CAMTA1: variants seen among roughly 807,000 people sequenced by gnomAD.
CAMTA1 encodes calmodulin-binding transcription activator 1.
Under a neutral mutation model 170.9 loss-of-function variants are expected in CAMTA1, and 27 were observed. That is an observed-to-expected ratio of 0.16 (90% confidence interval 0.12 to 0.22). The LOEUF (loss-of-function observed/expected upper bound fraction) is 0.22, where lower values mean the gene tolerates loss of function less well. Among genes scored for constraint, CAMTA1 ranks in the 10% least tolerant of loss-of-function variants. The pLI is 1.00. For synonymous variants in CAMTA1, 833 were observed against 891.5 expected, an observed-to-expected ratio of 0.93 and a Z score of 1.17; for missense variants, 1,619 against 2,217.2, an observed-to-expected ratio of 0.73 and a Z score of 5.42.
chr1:7,766,043 A>AC (rs1444413906), intron 22 of CAMTA1, among the ~76,000 whole-genome samples: 1 of 126,326 alleles, frequency 7.9e-6, no homozygotes, highest in Non-Finnish European at 1.7e-5. Context: ...AAAAAAAAAA[A>AC]AACTAAATAA....
intron 4 of CAMTA1, among the ~76,000 whole-genome samples, chr1:7,155,337 G>T (rs56040581): frequency 0.046 from 7,028 of 151,648 alleles, 228 homozygotes; most frequent in Admixed American, 0.058. Flanking sequence ...CTGTCTCGGA[G>T]GGAGCCTGTG....
rs374375063 is a variant in CAMTA1 at position 7,664,836 on chromosome 1, C to A, written c.2289C>A (p.Asp763Glu). The A allele has an allele frequency of 1.4e-5, 23 of 1,613,416 alleles. No individual in the cohort carries two copies. Among genetic ancestry groups the A allele is most frequent in the African/African-American group, 2.7e-5 (2 of 74,936 alleles). The change falls in exon 9 of 23, where the codon GAC (aspartate) becomes GAA (glutamate). Residue 763 changes from aspartate (D) to glutamate (E), a missense_variant. This residue lies in a region of CAMTA1 where 731 missense variants were observed against 907.6 expected (regional missense o/e 0.81). Transcript: ENST00000303635. ...CCTCCAACATGGAGCTCAGCCTGGA[C>A]CACTTTGACATCTCCTTCAGCAACC... ...GNASNMELSL[D>E]HFDISFSNQF... is the part of the protein sequence containing the mutation.
chr1:7,054,143 C>T (rs1162227889), intron 3 of CAMTA1, among the ~76,000 whole-genome samples: 2 of 152,328 alleles, frequency 1.3e-5, no homozygotes, highest in East Asian at 3.9e-4. Flanking sequence ...CTGGGCCTGC[C>T]CACTTGATTT....
chr1:7,760,945 A>G (rs941820500), intron 22 of CAMTA1, among the ~76,000 whole-genome samples: 11 of 152,336 alleles, frequency 7.2e-5, no homozygotes, highest in African/African-American at 2.6e-4. Context: ...CCATGGAGCC[A>G]TTGTTTGCTA....
intron 6 of CAMTA1, among the ~76,000 whole-genome samples, chr1:7,503,501 G>T (rs1286543136): frequency 6.6e-6 from 1 of 152,218 alleles, no homozygotes; most frequent in Non-Finnish European, 1.5e-5. Flanking sequence ...TTCGCCGAAG[G>T]GGAGGGAATG....
At chr1:7,715,172 G>C (rs537048598) in intron 11 of CAMTA1, among the ~76,000 whole-genome samples, 4 of 152,236 alleles carry the variant, frequency 2.6e-5, no homozygotes, top group South Asian at 4.2e-4. Flanking sequence ...AAAGAGGCCC[G>C]GGGGAATGGG....
At chr1:7,613,832 G>A (rs1015562450) in intron 6 of CAMTA1, among the ~76,000 whole-genome samples, 3 of 150,100 alleles carry the variant, frequency 2.0e-5, no homozygotes, top group Admixed American at 6.6e-5. Flanking sequence ...CAGAGGAGTC[G>A]GGGGAGCAAG....
chr1:7,445,776 G>C (rs1036925770), intron 5 of CAMTA1, among the ~76,000 whole-genome samples: 1 of 152,154 alleles, frequency 6.6e-6, no homozygotes. Context: ...CTTCCTAAGC[G>C]ATGAACATCT....
At chr1:7,513,283 G>A (rs1329015507) in intron 6 of CAMTA1, among the ~76,000 whole-genome samples, 1 of 152,148 alleles carries the variant, frequency 6.6e-6, no homozygotes, top group African/African-American at 2.4e-5. Context: ...GCTGACTCGT[G>A]GTCTTGCCAT....
chr1:7,655,258 AC>A (rs2095885361), intron 7 of CAMTA1, among the ~76,000 whole-genome samples: 1 of 143,590 alleles, frequency 7.0e-6, no homozygotes, highest in Non-Finnish European at 1.5e-5. Context: ...ACCTATACAC[AC>A]AGACCCACCT....
intron 6 of CAMTA1, among the ~76,000 whole-genome samples, chr1:7,555,512 T>C (rs1222866449): frequency 6.6e-6 from 1 of 152,030 alleles, no homozygotes; most frequent in Non-Finnish European, 1.5e-5. Context: ...AGCCACTCTC[T>C]CATCATTCCC....
At chr1:7,708,888 T>A (rs956304354) in intron 11 of CAMTA1, among the ~76,000 whole-genome samples, 6 of 152,158 alleles carry the variant, frequency 3.9e-5, no homozygotes, top group African/African-American at 1.4e-4. Flanking sequence ...TGTAAATAAA[T>A]TTCTCCATTA....
intron 3 of CAMTA1, among the ~76,000 whole-genome samples, chr1:6,827,975 G>A (rs1381428895): frequency 6.6e-6 from 1 of 152,140 alleles, no homozygotes; most frequent in African/African-American, 2.4e-5. Context: ...GTGTGGGAAT[G>A]CGCACAGTTG....
At chr1:7,240,592 G>T (rs1664696701) in intron 4 of CAMTA1, among the ~76,000 whole-genome samples, 1 of 150,962 alleles carries the variant, frequency 6.6e-6, no homozygotes, top group Admixed American at 6.6e-5. Flanking sequence ...TGCTATCTCG[G>T]TTCACTGTAA....
At chr1:6,909,103 G>A (rs1424400628) in intron 3 of CAMTA1, among the ~76,000 whole-genome samples, 2 of 152,122 alleles carry the variant, frequency 1.3e-5, no homozygotes, top group South Asian at 2.1e-4. Context: ...GACTTGCTAC[G>A]TTCTCTTCTA....
At chr1:7,644,589 A>G (rs1466721820) in intron 7 of CAMTA1, among the ~76,000 whole-genome samples, 4 of 152,106 alleles carry the variant, frequency 2.6e-5, no homozygotes, top group Admixed American at 2.6e-4. Context: ...CTTCTTTTAC[A>G]TGGTCCAAAA....
chr1:7,327,420 A>G lies in CAMTA1; in HGVS notation c.438+77794A>G, dbSNP rs1003455832. Among the ~76,000 whole-genome samples the G allele has an allele frequency of 1.7e-4, 26 of 151,718 alleles. No homozygotes were observed. The East Asian group carries it at 3.9e-3, about 23-fold the overall frequency. On this transcript the variant is annotated intron_variant, in intron 5 of 22. Transcript: ENST00000303635. Reference sequence around the variant, plus strand: ...AGACTCCATCTCAAAAAAAAAAAAAAAAAAAGAAAAAAGACCAGGAGGAAA... The same window carrying G: ...AGACTCCATCTCAAAAAAAAAAAAAGAAAAAGAAAAAAGACCAGGAGGAAA...
intron 5 of CAMTA1, among the ~76,000 whole-genome samples, chr1:7,462,530 C>T (rs1287150121): frequency 6.6e-6 from 1 of 152,198 alleles, no homozygotes. Context: ...GCTGGGATTA[C>T]AGGCAGGAAC....
At position 7,519,693 on chromosome 1, in the gene CAMTA1, C is replaced by T. The variant is rs74846132; in HGVS notation, c.510+51792C>T. Among the ~76,000 whole-genome samples the T allele has an allele frequency of 8.6e-4, 131 of 151,934 alleles. 2 individuals are homozygous for T. In the East Asian group the frequency reaches 0.023, roughly 26 times the overall value. The stretch of plus-strand genomic sequence containing the variant: ...ACAGCTGTGTACAGACATGCCCCCT[C>T]CCTCAGTAGAGGTGATGCTGGGCTA... On this transcript the variant is annotated intron_variant, in intron 6 of 22. Coordinates refer to ENST00000303635, the MANE Select transcript of CAMTA1 (RefSeq NM_015215.4).
Sources: allele counts gnomAD v4.1 joint callset (sites outside exome capture counted in the v4.1 genomes callset), GRCh38; gene constraint gnomAD v4.1.1; regional missense constraint gnomAD v4.1.1; transcripts MANE v1.5; gene names NCBI Gene and HGNC (gene_info 2026-07-23, HGNC 2026-07-21).